Variants in MAPRE2 observed in about 807,000 individuals in gnomAD.
MAPRE2 encodes the protein microtubule-associated protein RP/EB family member 2.
A neutral mutation model predicts 43.2 loss-of-function variants in MAPRE2; 13 were observed. That is an observed-to-expected ratio of 0.30 (90% confidence interval 0.20 to 0.48). The LOEUF (loss-of-function observed/expected upper bound fraction) is 0.48. Ranked by LOEUF, MAPRE2 falls within the 20% of genes least tolerant of loss-of-function variation. The probability of loss-of-function intolerance (pLI) is 0.99; values close to 1 mark genes in which losing one functional copy is unlikely to be tolerated. For synonymous variants in MAPRE2, 135 were observed against 148.8 expected (o/e 0.91, Z 0.68); for missense variants, 161 against 400.2 (o/e 0.40, Z 5.10).
At chr18:34,980,348 C>G (rs2150568570) in intron 1 of MAPRE2, among the ~76,000 whole-genome samples, 1 of 152,206 alleles carries the variant, frequency 6.6e-6, no homozygotes, top group Admixed American at 6.5e-5. Flanking sequence ...GGAGGAAAAA[C>G]AGTGTCTTGC....
intron 6 of MAPRE2, among the ~76,000 whole-genome samples, chr18:35,137,849 C>T (rs1910457052): frequency 6.6e-6 from 1 of 152,174 alleles, no homozygotes; most frequent in African/African-American, 2.4e-5. Flanking sequence ...GTGAGAGAGG[C>T]TTCAGGGAGG....
intron 2 of MAPRE2, among the ~76,000 whole-genome samples, chr18:35,010,440 GTAA>G (rs370863606): frequency 3.9e-5 from 6 of 152,182 alleles, no homozygotes; most frequent in African/African-American, 1.4e-4. Context: ...AAGTAGAGAT[GTAA>G]TACATCTTGT....
At chr18:35,029,304 C>T (rs888297169) in intron 2 of MAPRE2, among the ~76,000 whole-genome samples, 2 of 152,108 alleles carry the variant, frequency 1.3e-5, no homozygotes, top group South Asian at 4.1e-4. Flanking sequence ...TTCCAGCTGC[C>T]GGCCTCATGT....
chr18:35,041,252 C>T, upstream of MAPRE2: 2 of 1,227,298 alleles, frequency 1.6e-6, no homozygotes, highest in South Asian at 1.7e-5. Context: ...GAGCTGCTGG[C>T]GTGGTCACGC....
intron 1 of MAPRE2, among the ~76,000 whole-genome samples, chr18:34,983,563 A>T (rs2097017486): frequency 6.6e-6 from 1 of 152,170 alleles, no homozygotes. Flanking sequence ...CACTTCCAAC[A>T]CTTAACATGA....
intron 2 of MAPRE2, 99 bp downstream of exon 2, chr18:35,070,421 A>G (rs947916544): frequency 1.9e-6 from 2 of 1,054,978 alleles, no homozygotes; most frequent in Admixed American, 5.8e-5. Context: ...GGTAGGAAAA[A>G]GTATATATTG....
chr18:35,012,337 A>G (rs79148785), intron 2 of MAPRE2, among the ~76,000 whole-genome samples: 2,287 of 152,310 alleles, frequency 0.015, 53 homozygotes, highest in African/African-American at 0.052. Context: ...TAAGCCACAA[A>G]TATAGATAAA....
At chr18:35,063,342 C>T (rs534052930) in intron 1 of MAPRE2, among the ~76,000 whole-genome samples, 3 of 152,142 alleles carry the variant, frequency 2.0e-5, no homozygotes, top group East Asian at 1.9e-4. Context: ...CTCCTGACCT[C>T]GTGATCCGCC....
Position 34,983,273 on chromosome 18 carries a change from G to A in MAPRE2, c.-70+6194G>A, listed in dbSNP as rs112356987. On this transcript the variant is annotated intron_variant, in intron 1 of 7. Coordinates refer to the MAPRE2 transcript ENST00000413393. ...TATTCTTCTTGTGTATGTACTTTGC[G>A]AAAAGCAGTATATTTCTAAATATAT... Among the ~76,000 whole-genome samples, 1,007 of 152,200 alleles carry A rather than the reference G, an allele frequency of 6.6e-3. 9 individuals carry two copies. Among genetic ancestry groups the A allele is most frequent in the African/African-American group, 0.022 (909 of 41,516 alleles).
chr18:35,041,289 G>T (rs1035243292), upstream of MAPRE2: 6 of 1,388,138 alleles, frequency 4.3e-6, no homozygotes, highest in Admixed American at 1.2e-4. Flanking sequence ...TTGAGGCGAG[G>T]TGATGAGTTA....
chr18:35,137,943 T>A (rs1910461460), intron 6 of MAPRE2, among the ~76,000 whole-genome samples: 1 of 152,202 alleles, frequency 6.6e-6, no homozygotes, highest in Non-Finnish European at 1.5e-5. Context: ...TAAACTCCCA[T>A]GAATGTTAGT....
At chr18:34,980,001 CT>C (rs1433501777) in intron 1 of MAPRE2, among the ~76,000 whole-genome samples, 2 of 139,400 alleles carry the variant, frequency 1.4e-5, no homozygotes, top group African/African-American at 5.7e-5. Context: ...TCCTCAATTT[CT>C]TTTCTTTTCT....
At chr18:35,030,520 A>C (rs1452473200) in intron 2 of MAPRE2, among the ~76,000 whole-genome samples, 1 of 151,568 alleles carries the variant, frequency 6.6e-6, no homozygotes. Context: ...TTATTGAACT[A>C]GTTACCTCCT....
chr18:35,041,733 A>T, intron 1 of MAPRE2, 72 bp downstream of exon 1: 1 of 1,610,572 alleles, frequency 6.2e-7, no homozygotes, highest in South Asian at 1.1e-5. Flanking sequence ...CCGTTATATA[A>T]TGGAGCAGAC....
At chr18:35,000,077 A>G (rs900239770) in intron 1 of MAPRE2, among the ~76,000 whole-genome samples, 5 of 152,094 alleles carry the variant, frequency 3.3e-5, no homozygotes, top group Admixed American at 6.6e-5. Context: ...TGGACCTCCC[A>G]CACTAAAGAA....
chr18:35,062,273 A>G (rs1906571314), intron 1 of MAPRE2, among the ~76,000 whole-genome samples: 1 of 152,214 alleles, frequency 6.6e-6, no homozygotes, highest in African/African-American at 2.4e-5. Flanking sequence ...CCTTTGGCTA[A>G]GTATTTAATC....
At chr18:35,114,057 A>G (rs1302815485) in intron 4 of MAPRE2, among the ~76,000 whole-genome samples, 1 of 152,216 alleles carries the variant, frequency 6.6e-6, no homozygotes, top group Non-Finnish European at 1.5e-5. Context: ...TGAGGCACGG[A>G]GAGGTTTAGT....
intron 1 of MAPRE2, among the ~76,000 whole-genome samples, chr18:35,058,375 A>G (rs936062625): frequency 1.2e-4 from 18 of 152,322 alleles, no homozygotes; most frequent in Non-Finnish European, 2.1e-4. Flanking sequence ...ATAGGCACCA[A>G]TCTCTAAGAG....
intron 1 of MAPRE2, among the ~76,000 whole-genome samples, chr18:35,057,499 A>AGTGTGTGTGTGTGTGTGT (rs550390570): frequency 1.2e-5 from 1 of 82,170 alleles, no homozygotes; most frequent in Non-Finnish European, 2.2e-5. Flanking sequence ...TACTGCAAGG[A>AGTGTGTGTGTGTGTGTGT]GTGTGTGCGT....
Sources: gnomAD v4.1 joint callset for allele counts (sites outside exome capture counted in the v4.1 genomes callset) on GRCh38, gnomAD v4.1.1 for gene constraint, MANE v1.5 for transcripts, NCBI Gene and HGNC (gene_info 2026-07-23, HGNC 2026-07-21) for gene names.